The following PCDH15 variants were observed in gnomAD, a reference collection of about 807,000 sequenced individuals.
PCDH15 encodes the protein protocadherin-15.
PCDH15 carries 129 observed loss-of-function variants against 178.5 expected under a neutral mutation model. That is an observed-to-expected ratio of 0.72 (90% confidence interval 0.63 to 0.84). The LOEUF (loss-of-function observed/expected upper bound fraction) is 0.84, where lower values mean the gene tolerates loss of function less well. PCDH15 is among the 40% of genes least tolerant of loss of function. PCDH15 has a pLI of 0.00. For missense variants in PCDH15, 2,230 were observed against 2,099.9 expected (o/e 1.06, Z -1.21); for synonymous variants, 800 against 732.0 (o/e 1.09, Z -1.50).
chr10:55,066,947 C>G lies in PCDH15; in HGVS notation c.-80+99629G>C, dbSNP rs183872432. ...CTAATACACAAAAATGATAAATATT[C>G]AAGCTGTTGTATACCCCAAGTGCTC... On this transcript the variant is annotated intron_variant, in intron 2 of 5. Transcript: ENST00000458638. Among the ~76,000 whole-genome samples, 1,280 of 151,880 alleles carry G rather than the reference C, an allele frequency of 8.4e-3. 13 individuals carry two copies. The highest frequency in any genetic ancestry group is 0.013 in the Non-Finnish European group (882 of 67,796).
intron 8 of PCDH15, among the ~76,000 whole-genome samples, chr10:54,256,308 A>G (rs758005293): frequency 3.3e-5 from 5 of 152,342 alleles, no homozygotes; most frequent in Non-Finnish European, 5.9e-5. Flanking sequence ...CAAAGCAACT[A>G]ATAAATAAGT....
At chr10:54,636,898 T>A (rs1435896704) in intron 2 of PCDH15, among the ~76,000 whole-genome samples, 1 of 151,932 alleles carries the variant, frequency 6.6e-6, no homozygotes, top group Non-Finnish European at 1.5e-5. Flanking sequence ...TTACACAACG[T>A]CATATCAAGG....
intron 1 of PCDH15, among the ~76,000 whole-genome samples, chr10:54,751,444 A>G (rs1464657442): frequency 1.3e-5 from 2 of 152,318 alleles, no homozygotes; most frequent in East Asian, 3.9e-4. Flanking sequence ...TGCTAAATAC[A>G]TAACTGGCAA....
intron 1 of PCDH15, among the ~76,000 whole-genome samples, chr10:54,785,043 GAA>G (rs1399887573): frequency 2.6e-5 from 4 of 151,714 alleles, no homozygotes; most frequent in African/African-American, 9.7e-5. Flanking sequence ...TTTCAGAACG[GAA>G]CACAGAGTTC....
At chr10:54,425,063 T>C (rs1956103896) in intron 3 of PCDH15, among the ~76,000 whole-genome samples, 2 of 144,980 alleles carry the variant, frequency 1.4e-5, no homozygotes, top group Admixed American at 1.4e-4. Flanking sequence ...AGGTTGAAAA[T>C]GTGCTTCAGC....
chr10:54,202,883 G>A (rs2050396587), intron 10 of PCDH15, among the ~76,000 whole-genome samples: 1 of 151,350 alleles, frequency 6.6e-6, no homozygotes, highest in African/African-American at 2.4e-5. Context: ...GTTGATGTTA[G>A]AGGCAAGGAA....
At chr10:54,032,586 A>G (rs554014916) in intron 18 of PCDH15, among the ~76,000 whole-genome samples, 3 of 152,210 alleles carry the variant, frequency 2.0e-5, no homozygotes, top group African/African-American at 7.2e-5. Context: ...TTGTCTTAAA[A>G]GAAGGTATGT....
At chr10:54,539,806 C>A (rs61853599) in intron 2 of PCDH15, among the ~76,000 whole-genome samples, 19,045 of 152,208 alleles carry the variant, frequency 0.13, 1,509 homozygotes, top group Admixed American at 0.22. Context: ...TTATACCAAT[C>A]ACATACCAAC....
chr10:55,524,636 A>G (rs1841263066), intron 2 of PCDH15, among the ~76,000 whole-genome samples: 1 of 151,604 alleles, frequency 6.6e-6, no homozygotes. Flanking sequence ...CTTTATCCAT[A>G]TCACTTGTAA....
chr10:54,429,066 A>T lies in PCDH15; in HGVS notation c.158-50124T>A, dbSNP rs1589366265. 6.5e-5 allele frequency among the ~76,000 whole-genome samples: 7 copies of T among 108,394 alleles called. 1 individual carries two copies. In the South Asian group the frequency reaches 2.3e-3, roughly 36 times the overall value. The allele number at this position is 108,394 out of a possible 152,430, so 71.1% of individuals were successfully genotyped here. A position where few individuals can be genotyped will look rare whatever the true frequency, so the allele number is the denominator to read the frequency against. On this transcript the variant is annotated intron_variant, in intron 3 of 37. Coordinates refer to ENST00000644397, the MANE Select transcript of PCDH15 (RefSeq NM_001384140.1). The stretch of plus-strand genomic sequence containing the variant: ...AATGGTGATTTATAAATTACTCTTG[A>T]CTTAAGTAGAAAGAATAAATGATAA...
intron 2 of PCDH15, chr10:54,600,371 A>G: frequency 1.8e-6 from 1 of 543,646 alleles, no homozygotes; most frequent in Non-Finnish European, 3.6e-6. Flanking sequence ...GAGAAGGGAG[A>G]GCAGGAGACC....
intron 1 of PCDH15, among the ~76,000 whole-genome samples, chr10:55,185,187 C>T (rs532160055): frequency 6.6e-6 from 1 of 151,798 alleles, no homozygotes; most frequent in African/African-American, 2.4e-5. Context: ...TTTTGTAAAC[C>T]TAAAATATAT....
At chr10:54,965,379 C>CTGATGGTTTTATAAAGGGCAGTT (rs1487281195) in intron 2 of PCDH15, among the ~76,000 whole-genome samples, 1 of 152,030 alleles carries the variant, frequency 6.6e-6, no homozygotes, top group African/African-American at 2.4e-5. Flanking sequence ...CTCATGAGAT[C>CTGATGGTTTTATAAAGGGCAGTT]TGATGGTTTT....
chr10:54,806,585 G>C (rs935970426), intron 3 of PCDH15, among the ~76,000 whole-genome samples: 1 of 151,248 alleles, frequency 6.6e-6, no homozygotes, highest in Non-Finnish European at 1.5e-5. Context: ...CCGGGTTCGA[G>C]CAATTCTCCT....
At chr10:54,974,055 TCTCA>T (rs768490577) in intron 2 of PCDH15, among the ~76,000 whole-genome samples, 437 of 147,694 alleles carry the variant, frequency 3.0e-3, no homozygotes, top group African/African-American at 8.9e-3. Context: ...TCTCTCTCTC[TCTCA>T]CACACACACA....
At chr10:54,889,368 A>C (rs984879491) in intron 3 of PCDH15, among the ~76,000 whole-genome samples, 1 of 151,790 alleles carries the variant, frequency 6.6e-6, no homozygotes, top group South Asian at 2.1e-4. Flanking sequence ...CCTTATTATC[A>C]ATAGCATAAT....
At chr10:55,034,651 A>T (rs1323850735) in intron 2 of PCDH15, among the ~76,000 whole-genome samples, 1 of 152,170 alleles carries the variant, frequency 6.6e-6, no homozygotes, top group Non-Finnish European at 1.5e-5. Context: ...GAGAATCTAG[A>T]CTCTAAAAAC....
chr10:53,856,171 C>T (rs2078731020), intron 28 of PCDH15, among the ~76,000 whole-genome samples: 1 of 151,064 alleles, frequency 6.6e-6, no homozygotes, highest in Non-Finnish European at 1.5e-5. Flanking sequence ...ACGTTGGGTA[C>T]AGTGTACACT....
intron 2 of PCDH15, among the ~76,000 whole-genome samples, chr10:55,513,959 C>A (rs971338330): frequency 6.6e-6 from 1 of 151,942 alleles, no homozygotes; most frequent in African/African-American, 2.4e-5. Flanking sequence ...TTTCTTTAAA[C>A]CAAGATACTC....
Sources: allele counts gnomAD v4.1 joint callset (sites outside exome capture counted in the v4.1 genomes callset), GRCh38; gene constraint gnomAD v4.1.1; transcripts MANE v1.5; gene names NCBI Gene and HGNC (gene_info 2026-07-23, HGNC 2026-07-21).